Variants in TECPR1 observed in about 807,000 individuals in gnomAD.
TECPR1 encodes tectonin beta-propeller repeat containing 1, also known as tectonin beta-propeller repeat-containing protein 1.
A neutral mutation model predicts 162.4 loss-of-function variants in TECPR1; 122 were observed. The ratio of observed to expected loss-of-function variants is 0.75; its 90% CI spans 0.65 to 0.87. TECPR1 has a LOEUF of 0.87. Among genes scored for constraint, TECPR1 ranks in the 40% least tolerant of loss-of-function variants. TECPR1 has a pLI of 0.00. For missense variants in TECPR1, 1,432 were observed against 1,618.2 expected, an observed-to-expected ratio of 0.88 and a Z score of 1.97; for synonymous variants, 642 against 670.6, an observed-to-expected ratio of 0.96 and a Z score of 0.66.
In TECPR1 at chr7:98,233,643, CGGCCGGGGTGGG is replaced by C. The variant is rs755512188; in HGVS notation, c.1438_1449del (p.Pro480_Ala483del). 1 of 1,590,306 alleles carries C rather than the reference CGGCCGGGGTGGG, an allele frequency of 6.3e-7. No individual in the cohort carries two copies. The highest frequency in any genetic ancestry group is 1.1e-5 in the South Asian group (1 of 88,372). ...AGGTCAATATTGGTCCAGGGCAGCT[CGGCCGGGGTGGG>C]GGCCGGGCCGGGGTGCGTGTTGGGT... On this transcript the variant is annotated inframe_deletion, in exon 11 of 26. Transcript: ENST00000447648.
chr7:98,227,974 A>T, intron 17 of TECPR1, 40 bp downstream of exon 17: 1 of 1,542,424 alleles, frequency 6.5e-7, no homozygotes, highest in Non-Finnish European at 8.9e-7. Flanking sequence ...ACTAAGGCCT[A>T]TGCCAGGCAG....
In TECPR1 at chr7:98,233,700, C is replaced by T. The variant is rs564234288; in HGVS notation, c.1393G>A (p.Glu465Lys). 1.9e-4 allele frequency: 299 copies of T among 1,610,868 alleles called. 2 individuals are homozygous for T. The highest frequency in any genetic ancestry group is 7.6e-4 in the South Asian group (69 of 90,912). Residue 465 changes from glutamate to lysine, a missense_variant, in exon 11 of 26, where the codon GAG becomes AAG. By Grantham distance (56) the Glu-to-Lys change is moderately conservative. Transcript: ENST00000447648. ...EDTVEDACPAEGSREARPNTH... is the reference protein window; with the variant it reads ...EDTVEDACPAKGSREARPNTH... ...TTGGGTCTGGCCTCCCTGCTGCCCT[C>T]GGCTGGGCAGGCATCTTCCACGGTA...
rs755262192 is a variant in TECPR1 at position 98,217,478 on chromosome 7, C to G, written c.3410G>C (p.Arg1137Pro). 2 of 1,609,418 alleles carry G rather than the reference C, an allele frequency of 1.2e-6. No homozygotes were observed. Among genetic ancestry groups the G allele is most frequent in the East Asian group, 2.2e-5 (1 of 44,750 alleles). Residue 1137 changes from arginine to proline, a missense_variant, in exon 26 of 26, where the codon CGG becomes CCG. Transcript: ENST00000447648. ...IGGGWDHISV[R>P]ANATRAPRSS... ...CCGGGGGGCCCTGGTGGCATTGGCC[C>G]GGACAGAGATATGGTCCCAGCCTCC...
chr7:98,225,172 T>C (rs951423416), intron 17 of TECPR1, 70 bp from the exon 18 acceptor site: 1 of 1,388,166 alleles, frequency 7.2e-7, no homozygotes, highest in Non-Finnish European at 9.9e-7. Flanking sequence ...GACACCCCCA[T>C]AACACCCCAC....
chr7:98,222,369 TG>T lies in TECPR1; in HGVS notation c.3064+16del. On this transcript the variant is annotated intron_variant, in intron 22 of 25. Coordinates refer to ENST00000447648, the MANE Select transcript of TECPR1 (RefSeq NM_015395.3). ...GGAAGGTGAACACTGCAGGGGCTCC[TG>T]GGGCGCGGCACTCACCGGCTGGCTG... The T allele has an allele frequency of 6.2e-7, 1 of 1,604,596 alleles. No individual in the cohort carries two copies. The highest frequency in any genetic ancestry group is 8.5e-7 in the Non-Finnish European group (1 of 1,176,038).
In TECPR1 at chr7:98,233,627, T is replaced by C; in HGVS notation, c.1466A>G (p.Asn489Ser). Residue 489 changes from asparagine to serine, a missense_variant, in exon 11 of 26, where the codon AAT (asparagine) becomes AGT (serine). Transcript: ENST00000447648. ...TTTCTTGGCCTCCTTGAGGTCAATA[T>C]TGGTCCAGGGCAGCTCGGCCGGGGT... Reference protein sequence around the residue: ...APTPAELPWTNIDLKEAKKVP... With the variant: ...APTPAELPWTSIDLKEAKKVP... 1 of 1,588,738 alleles carries C rather than the reference T, an allele frequency of 6.3e-7. No individual in the cohort carries two copies. The highest frequency in any genetic ancestry group is 8.6e-7 in the Non-Finnish European group (1 of 1,167,986).
chr7:98,234,239 G>A (rs1309191130), intron 10 of TECPR1, among the ~76,000 whole-genome samples: 1 of 152,126 alleles, frequency 6.6e-6, no homozygotes, highest in Non-Finnish European at 1.5e-5. Context: ...TGCAACCTCC[G>A]CCTCCCAGGT....
intron 25 of TECPR1, 29 bp downstream of exon 25, chr7:98,217,661 AAC>A: frequency 1.3e-6 from 2 of 1,523,848 alleles, no homozygotes; most frequent in South Asian, 2.4e-5. Context: ...ACAAGGTGAT[AAC>A]ACAGCCCAAG....
Position 98,232,566 on chromosome 7 carries a change from C to T in TECPR1, c.1818+261G>A, listed in dbSNP as rs1798473217. Among the ~76,000 whole-genome samples, 2 of 150,152 alleles carry T rather than the reference C, an allele frequency of 1.3e-5. No homozygotes were observed. Among genetic ancestry groups the T allele is most frequent in the African/African-American group, 4.9e-5 (2 of 41,078 alleles). On this transcript the variant is annotated intron_variant, in intron 12 of 25. Coordinates refer to ENST00000447648, the MANE Select transcript of TECPR1 (RefSeq NM_015395.3). The surrounding 1 kb of genome is among the most constrained non-coding windows in gnomAD (Gnocchi z 4.6). ...TCCCCTCCCTGGCCACCCTCCCTTC[C>T]CCACCCACCACCCTCTGAGGTTGCT...
At chr7:98,239,770 C>A (rs1371858498) in intron 8 of TECPR1, among the ~76,000 whole-genome samples, 1 of 151,892 alleles carries the variant, frequency 6.6e-6, no homozygotes, top group Admixed American at 6.6e-5. Context: ...ACGTGTGGGC[C>A]GTCCATCCCC....
rs756618925 is a variant in TECPR1, at chr7:98,229,058, A to G, written c.2391T>C (p.Tyr797=). The part of the protein sequence containing the change: ...DHTAWVYTGG[Y]GGGCFQGLAS... Reference sequence around the variant, plus strand: ...CCTCACCTTGGAAGCAGCCGCCTCCATAGCCGCCTGTGTATACCCAGGCCG... The same window carrying G: ...CCTCACCTTGGAAGCAGCCGCCTCCGTAGCCGCCTGTGTATACCCAGGCCG... Residue 797 remains tyrosine (Y), a synonymous_variant, in exon 16 of 26, where the codon TAT becomes TAC. Transcript: ENST00000447648. The G allele has an allele frequency of 6.3e-7, 1 of 1,596,498 alleles. No individual in the cohort carries two copies. The highest frequency in any genetic ancestry group is 1.3e-5 in the African/African-American group (1 of 74,684).
intron 2 of TECPR1, 79 bp from the exon 3 acceptor site, chr7:98,246,244 C>A: frequency 4.7e-5 from 35 of 746,398 alleles, no homozygotes; most frequent in Non-Finnish European, 7.1e-5. Flanking sequence ...TGGGAGACTT[C>A]TACTGTGACT....
rs751546250 is a variant in TECPR1 at position 98,217,461 on chromosome 7, C to G, written c.3427G>C (p.Ala1143Pro). ...TGCTCCTGGGACGAGCTCCGGGGGG[C>G]CCTGGTGGCATTGGCCCGGACAGAG... ...HISVRANATRAPRSSSQEQEP... is the reference protein window; with the variant it reads ...HISVRANATRPPRSSSQEQEP... The change falls in exon 26 of 26, where the codon GCC becomes CCC. Residue 1143 changes from alanine to proline, a missense_variant. Transcript: ENST00000447648. The G allele has an allele frequency of 1.2e-6, 2 of 1,610,470 alleles. No homozygotes were observed. Among genetic ancestry groups the G allele is most frequent in the Admixed American group, 3.3e-5 (2 of 59,750 alleles).
chr7:98,220,637 C>T (rs1798118214), intron 23 of TECPR1, among the ~76,000 whole-genome samples: 1 of 151,666 alleles, frequency 6.6e-6, no homozygotes, highest in South Asian at 2.1e-4. Flanking sequence ...CGGCTCACTG[C>T]AAGCTCCGCC....
rs918073629 is a variant in TECPR1 at position 98,244,830 on chromosome 7, G to A, written c.408+55C>T. On this transcript the variant is annotated intron_variant, in intron 4 of 25. Coordinates refer to ENST00000447648, the MANE Select transcript of TECPR1 (RefSeq NM_015395.3). ...GTGCAGGGGACAGAAGCAGGGACAG[G>A]CGGGAGGCACCCCCTCCCCACAGGG... is the stretch of plus-strand genomic sequence containing the variant. The A allele has an allele frequency of 2.4e-4, 377 of 1,602,420 alleles. 1 individual carries two copies. Among genetic ancestry groups the A allele is most frequent in the Non-Finnish European group, 3.1e-4 (363 of 1,172,686 alleles).
At chr7:98,243,927 G>C (rs945537783) in intron 5 of TECPR1, among the ~76,000 whole-genome samples, 1 of 152,194 alleles carries the variant, frequency 6.6e-6, no homozygotes, top group African/African-American at 2.4e-5. Flanking sequence ...ACCGGGCATG[G>C]TGGTGCATGC....
chr7:98,251,413 T>A lies in TECPR1; in HGVS notation c.-39A>T, dbSNP rs1312680083. The stretch of plus-strand genomic sequence containing the variant: ...ACTTACTTCCTCTGAGCCTTAGGAG[T>A]CCTACCTAAAAGGTTTCTTGCTTGT... On this transcript the variant is annotated 5_prime_UTR_variant, in exon 2 of 26. Transcript: ENST00000447648. 1 of 151,710 alleles carries A rather than the reference T, an allele frequency of 6.6e-6. No homozygotes were observed. Among genetic ancestry groups the A allele is most frequent in the Non-Finnish European group, 1.5e-5 (1 of 67,948 alleles). 9.4% of individuals were successfully genotyped at this position (151,710 alleles called of 1,614,324 possible).
chr7:98,230,016 G>C (rs1443962237), intron 15 of TECPR1, among the ~76,000 whole-genome samples: 2 of 149,826 alleles, frequency 1.3e-5, no homozygotes, highest in African/African-American at 4.9e-5. Flanking sequence ...TCTGAGACAG[G>C]GTCTCGCTGT....
chr7:98,221,235 G>A (rs985297021), intron 23 of TECPR1, among the ~76,000 whole-genome samples: 3 of 152,122 alleles, frequency 2.0e-5, no homozygotes, highest in Non-Finnish European at 4.4e-5. Context: ...TCAGTAGGTG[G>A]AGGTTGCAGT....
Sources: gnomAD v4.1 joint callset for allele counts (sites outside exome capture counted in the v4.1 genomes callset) on GRCh38, gnomAD v4.1.1 for gene constraint, Gnocchi (gnomAD v3.1) non-coding constraint, MANE v1.5 for transcripts, NCBI Gene and HGNC (gene_info 2026-07-23, HGNC 2026-07-21) for gene names.